N4BP2: variants seen among roughly 807,000 people sequenced by gnomAD.
N4BP2 encodes NEDD4-binding protein 2.
N4BP2 carries 91 observed loss-of-function variants against 152.8 expected under a neutral mutation model. The ratio of observed to expected loss-of-function variants is 0.60; its 90% CI spans 0.50 to 0.71. The LOEUF is 0.71. Among genes scored for constraint, N4BP2 ranks in the 30% least tolerant of loss-of-function variants. The pLI, the probability that N4BP2 is intolerant of heterozygous loss-of-function variation, is 0.00. For missense variants in N4BP2, 1,923 were observed against 2,059.1 expected (o/e 0.93, Z 1.28); for synonymous variants, 646 against 705.3 (o/e 0.92, Z 1.33).
Position 40,142,828 on chromosome 4 carries a change from G to GA in N4BP2, c.4949dup (p.Asn1650LysfsTer14). ...AGGCCAAAGAAGCTTATCGGATAGG[G>GA]AAAAAAAATGTCGCCACCTTTTATG... On this transcript the variant is annotated frameshift_variant, in exon 15 of 18. Coordinates refer to ENST00000261435, the MANE Select transcript of N4BP2 (RefSeq NM_018177.6). LOFTEE classifies it high-confidence loss of function. 1.2e-6 allele frequency: 2 copies of GA among 1,612,278 alleles called. No homozygotes were observed. Among genetic ancestry groups the GA allele is most frequent in the Non-Finnish European group, 1.7e-6 (2 of 1,179,394 alleles).
At chr4:40,158,428 G>C (rs995618306), downstream of N4BP2, among the ~76,000 whole-genome samples, 1 of 152,032 alleles carries the variant, frequency 6.6e-6, no homozygotes, top group African/African-American at 2.4e-5. Flanking sequence ...GTCTACTTTT[G>C]AACCAGATAA....
In N4BP2 at chr4:40,156,196, T is replaced by C. The variant is rs1721585211; in HGVS notation, c.*1959T>C. On this transcript the variant is annotated 3_prime_UTR_variant, in exon 18 of 18. Coordinates refer to ENST00000261435, the MANE Select transcript of N4BP2 (RefSeq NM_018177.6). ...AATTGGAATGTGTGCAGCTGCATAC[T>C]CACTTTCTGTGTTTTTATATTTCCT... 1.3e-5 allele frequency: 2 copies of C among 152,196 alleles called. No individual in the cohort carries two copies. 9.4% of individuals were successfully genotyped at this position (152,196 alleles called of 1,614,324 possible).
At chr4:40,163,057 T>G (rs1249181105), downstream of N4BP2, among the ~76,000 whole-genome samples, 1 of 152,182 alleles carries the variant, frequency 6.6e-6, no homozygotes, top group Non-Finnish European at 1.5e-5. Context: ...CTTTTATGAC[T>G]TAGTATTGGA....
intron 12 of N4BP2, among the ~76,000 whole-genome samples, chr4:40,130,692 A>G (rs1251024624): frequency 6.6e-6 from 1 of 152,054 alleles, no homozygotes; most frequent in Non-Finnish European, 1.5e-5. Context: ...ATGTAGAGAT[A>G]GGGTCTTGCT....
intron 12 of N4BP2, among the ~76,000 whole-genome samples, chr4:40,127,590 A>G: frequency 6.6e-6 from 1 of 152,100 alleles, no homozygotes. Flanking sequence ...AATCTTATTT[A>G]AAGATAATTA....
chr4:40,129,236 GT>G (rs141648286), intron 12 of N4BP2, among the ~76,000 whole-genome samples: 1 of 150,692 alleles, frequency 6.6e-6, no homozygotes, highest in African/African-American at 2.4e-5. Flanking sequence ...GTTTTGTTTT[GT>G]TTTTTTTGAG....
In N4BP2 at chr4:40,155,597, G is replaced by C. The variant is rs1278226139; in HGVS notation, c.*1360G>C. On this transcript the variant is annotated 3_prime_UTR_variant, in exon 18 of 18. Coordinates refer to ENST00000261435, the MANE Select transcript of N4BP2 (RefSeq NM_018177.6). Reference sequence around the variant, plus strand: ...CCTGTGTAAAGGAGGTTATAATGTGGTAAGGTATAATTTTCCAATATGAGA... The same window carrying C: ...CCTGTGTAAAGGAGGTTATAATGTGCTAAGGTATAATTTTCCAATATGAGA... The C allele has an allele frequency of 6.6e-6, 1 of 152,094 alleles. No individual in the cohort carries two copies. Among genetic ancestry groups the C allele is most frequent in the Non-Finnish European group, 1.5e-5 (1 of 68,016 alleles). 9.4% of individuals were successfully genotyped at this position (152,094 alleles called of 1,614,324 possible). A position where few individuals can be genotyped will look rare whatever the true frequency, so the allele number is the denominator to read the frequency against.
At position 40,122,021 on chromosome 4, in the gene N4BP2, T is replaced by C. The variant is rs776459334; in HGVS notation, c.3910T>C (p.Tyr1304His). The C allele has an allele frequency of 2.6e-6, 4 of 1,542,792 alleles. No individual in the cohort carries two copies. The highest frequency in any genetic ancestry group is 1.8e-6 in the Non-Finnish European group (2 of 1,141,644). Residue 1304 changes from tyrosine (Y) to histidine (H), a missense_variant, in exon 9 of 18, where the codon TAT becomes CAT. Tyr to His is a moderately conservative substitution (Grantham distance 83). Coordinates refer to ENST00000261435, the MANE Select transcript of N4BP2 (RefSeq NM_018177.6). ...AAATCTTGAATTAAATGAAGAAATT[T>C]ATTTTACTGATTCTCTTGAAATAAA... Reference protein sequence around the residue: ...TSNLELNEEIYFTDSLEIKRN... With the variant: ...TSNLELNEEIHFTDSLEIKRN...
At chr4:40,110,811 C>T (rs1203579689) in intron 5 of N4BP2, among the ~76,000 whole-genome samples, 1 of 151,796 alleles carries the variant, frequency 6.6e-6, no homozygotes. Context: ...GTGCTGAGAT[C>T]ATAGGTGTGA....
chr4:40,126,079 G>C, intron 11 of N4BP2, 55 bp from the exon 12 acceptor site: 3 of 1,127,784 alleles, frequency 2.7e-6, no homozygotes, highest in Non-Finnish European at 3.6e-6. Flanking sequence ...AGTGAATAAT[G>C]TTTAATTTAT....
intron 2 of N4BP2, among the ~76,000 whole-genome samples, chr4:40,074,876 A>T (rs960948351): frequency 6.6e-6 from 1 of 152,036 alleles, no homozygotes; most frequent in Admixed American, 6.6e-5. Flanking sequence ...ACATGTTGGC[A>T]TGCACCTATA....
rs111655327 is a variant in N4BP2 at position 40,098,913 on chromosome 4, G to A, written c.229+1344G>A. On this transcript the variant is annotated intron_variant, in intron 3 of 17. Coordinates refer to ENST00000261435, the MANE Select transcript of N4BP2 (RefSeq NM_018177.6). ...ATTATGCGTTTTTAACTTAACATAA[G>A]CATTTGTCTATGTTGCTGTAATCTG... 5.9e-3 allele frequency among the ~76,000 whole-genome samples: 897 copies of A among 152,248 alleles called. 8 individuals are homozygous for A. Among genetic ancestry groups the A allele is most frequent in the African/African-American group, 0.021 (854 of 41,536 alleles).
intron 13 of N4BP2, among the ~76,000 whole-genome samples, chr4:40,135,747 A>C (rs1467348747): frequency 6.6e-6 from 1 of 152,116 alleles, no homozygotes; most frequent in Non-Finnish European, 1.5e-5. Context: ...TTGTATTTTT[A>C]GTAGAGACAG....
chr4:40,129,144 G>A (rs911945608), intron 12 of N4BP2, among the ~76,000 whole-genome samples: 3 of 152,120 alleles, frequency 2.0e-5, no homozygotes, highest in Non-Finnish European at 4.4e-5. Flanking sequence ...TGCCTTTTGG[G>A]CTCAAGCCAT....
At chr4:40,142,979 TGTAA>T in intron 15 of N4BP2, 118 bp downstream of exon 15, 1 of 775,832 alleles carries the variant, frequency 1.3e-6, no homozygotes, top group South Asian at 2.0e-5. Context: ...GTAGTAGTTA[TGTAA>T]GTGACATAAA....
intron 13 of N4BP2, among the ~76,000 whole-genome samples, chr4:40,136,485 A>G (rs1242576183): frequency 6.6e-6 from 1 of 152,104 alleles, no homozygotes; most frequent in Non-Finnish European, 1.5e-5. Flanking sequence ...TCCGGGTTCA[A>G]GCGATTCTCG....
At chr4:40,078,271 G>A (rs1329024681) in intron 2 of N4BP2, among the ~76,000 whole-genome samples, 2 of 151,652 alleles carry the variant, frequency 1.3e-5, no homozygotes, top group African/African-American at 2.4e-5. Context: ...CTGAGTAGCC[G>A]GGACTACAGT....
At chr4:40,179,922 GC>G in the N4BP2 span, among the ~76,000 whole-genome samples, 2 of 151,684 alleles carry the variant, frequency 1.3e-5, no homozygotes, top group Non-Finnish European at 2.9e-5. Context: ...GCGCCACCAC[GC>G]CCGGCTACTT....
intron 16 of N4BP2, among the ~76,000 whole-genome samples, chr4:40,150,781 C>A (rs1721084704): frequency 6.6e-6 from 1 of 151,916 alleles, no homozygotes; most frequent in Admixed American, 6.6e-5. Flanking sequence ...AGAAATATAT[C>A]AATCAAATAG....
Sources: allele counts gnomAD v4.1 joint callset (sites outside exome capture counted in the v4.1 genomes callset), GRCh38; gene constraint gnomAD v4.1.1; transcripts MANE v1.5; gene names NCBI Gene and HGNC (gene_info 2026-07-23, HGNC 2026-07-21).